The following RBFOX3 variants were observed in gnomAD, a reference collection of about 807,000 sequenced individuals.
The protein encoded by RBFOX3 is RNA binding protein fox-1 homolog 3.
Under a neutral mutation model 48.7 loss-of-function variants are expected in RBFOX3, and 17 were observed. The ratio of observed to expected loss-of-function variants is 0.35; its 90% CI spans 0.24 to 0.52. RBFOX3 has a LOEUF of 0.52. Ranked by LOEUF, RBFOX3 falls within the 20% of genes least tolerant of loss-of-function variation. The pLI, the probability that RBFOX3 is intolerant of heterozygous loss-of-function variation, is 0.94. For synonymous variants in RBFOX3, 212 were observed against 209.5 expected (o/e 1.01, Z -0.10); for missense variants, 382 against 497.5 (o/e 0.77, Z 2.21).
At chr17:79,494,719 C>T (rs2081187272) in intron 1 of RBFOX3, among the ~76,000 whole-genome samples, 3 of 152,176 alleles carry the variant, frequency 2.0e-5, no homozygotes, top group African/African-American at 7.2e-5. Context: ...GCCTGAACAG[C>T]TGAGGGCTTC....
intron 2 of RBFOX3, among the ~76,000 whole-genome samples, chr17:79,402,231 C>T (rs1206585329): frequency 5.3e-5 from 8 of 152,228 alleles, no homozygotes; most frequent in Admixed American, 5.2e-4. Flanking sequence ...TTAGTTTGCA[C>T]CTCCTTTGCC....
At chr17:79,445,904 G>A (rs982445486) in intron 2 of RBFOX3, among the ~76,000 whole-genome samples, 36 of 152,336 alleles carry the variant, frequency 2.4e-4, no homozygotes, top group South Asian at 6.2e-4. Flanking sequence ...CCAACCAGGG[G>A]TGGGTTTGCC....
the RBFOX3 span, among the ~76,000 whole-genome samples, chr17:79,621,699 A>C: frequency 1.3e-5 from 2 of 152,304 alleles, no homozygotes; most frequent in Admixed American, 1.3e-4. Context: ...CTAAATGTTC[A>C]TGCGTGCCTG....
chr17:79,462,872 T>C (rs1234358007), intron 2 of RBFOX3, among the ~76,000 whole-genome samples: 4 of 152,156 alleles, frequency 2.6e-5, no homozygotes, highest in African/African-American at 9.7e-5. Flanking sequence ...GACATTTACT[T>C]CTTCTGGGAC....
intron 2 of RBFOX3, among the ~76,000 whole-genome samples, chr17:79,466,015 C>T (rs1358828076): frequency 6.6e-6 from 1 of 152,224 alleles, no homozygotes; most frequent in Non-Finnish European, 1.5e-5. Context: ...GCCCAGAGGT[C>T]GTCTCCATAT....
chr17:79,650,990 G>A, the RBFOX3 span, among the ~76,000 whole-genome samples: 9 of 152,312 alleles, frequency 5.9e-5, no homozygotes, highest in South Asian at 1.9e-3. Flanking sequence ...CTGAGGTGGG[G>A]CATAAACACC....
At chr17:79,569,095 A>C (rs1338615525) in intron 1 of RBFOX3, among the ~76,000 whole-genome samples, 3 of 152,040 alleles carry the variant, frequency 2.0e-5, no homozygotes, top group East Asian at 3.9e-4. Context: ...AAAAAAAAAA[A>C]AACCTTGCCA....
At chr17:79,464,916 G>A (rs1385628545) in intron 2 of RBFOX3, among the ~76,000 whole-genome samples, 40 of 152,240 alleles carry the variant, frequency 2.6e-4, no homozygotes, top group African/African-American at 8.2e-4. Flanking sequence ...TCACTAACCC[G>A]ATTTGACAGG....
rs112829623 is a variant in RBFOX3 at position 79,444,486 on chromosome 17, C to T, written c.-175+37968G>A. 3.0e-3 allele frequency among the ~76,000 whole-genome samples: 454 copies of T among 152,186 alleles called. 3 individuals carry two copies. The highest frequency in any genetic ancestry group is 0.01 in the African/African-American group (434 of 41,546). Reference sequence around the variant, plus strand: ...GAGCCAGCCCAAAGCCCACATAGGCCGGTGCCTCTGAGCCACAGCTCCAAA... The same window carrying T: ...GAGCCAGCCCAAAGCCCACATAGGCTGGTGCCTCTGAGCCACAGCTCCAAA... On this transcript the variant is annotated intron_variant, in intron 2 of 14. Transcript: ENST00000693108.
chr17:79,395,599 C>T (rs555280807), intron 2 of RBFOX3, among the ~76,000 whole-genome samples: 5 of 152,322 alleles, frequency 3.3e-5, no homozygotes, highest in Admixed American at 1.3e-4. Flanking sequence ...AGCTGGCGCC[C>T]GCCTGGCAGT....
intron 4 of RBFOX3, among the ~76,000 whole-genome samples, chr17:79,184,353 T>C (rs1479043654): frequency 6.6e-6 from 1 of 152,160 alleles, no homozygotes; most frequent in East Asian, 1.9e-4. Context: ...CCAGACACAC[T>C]GGACTTGACG....
chr17:79,105,342 G>A (rs1218070280), intron 6 of RBFOX3, among the ~76,000 whole-genome samples: 1 of 152,174 alleles, frequency 6.6e-6, no homozygotes, highest in Non-Finnish European at 1.5e-5. Context: ...AGGGACCCAG[G>A]GAGCTGACAG....
At chr17:79,593,214 C>T (rs1304773076) in intron 1 of RBFOX3, among the ~76,000 whole-genome samples, 1 of 152,194 alleles carries the variant, frequency 6.6e-6, no homozygotes, top group Non-Finnish European at 1.5e-5. Flanking sequence ...AGGACGGACA[C>T]CACCTGCCCT....
Position 79,361,589 on chromosome 17 carries a change from TC to T in RBFOX3, c.-174-53766del, listed in dbSNP as rs1490359272. 6.6e-6 allele frequency among the ~76,000 whole-genome samples: 1 copy of T among 152,140 alleles called. No homozygotes were observed. The highest frequency in any genetic ancestry group is 2.4e-5 in the African/African-American group (1 of 41,436). ...GCTCTGCCAGGCACTGTCCAGGGCTTCCCTAAGGGACATGCCAGCCCACGTC... is the reference window on the plus strand; with the variant it reads ...GCTCTGCCAGGCACTGTCCAGGGCTTCCTAAGGGACATGCCAGCCCACGTC... On this transcript the variant is annotated intron_variant, in intron 2 of 14. Coordinates refer to ENST00000693108, the MANE Select transcript of RBFOX3 (RefSeq NM_001350451.2). The surrounding 1 kb of genome is among the most constrained non-coding windows in gnomAD (Gnocchi z 4.5).
intron 4 of RBFOX3, among the ~76,000 whole-genome samples, chr17:79,217,821 C>T (rs999345358): frequency 6.6e-6 from 1 of 152,208 alleles, no homozygotes; most frequent in East Asian, 1.9e-4. Flanking sequence ...AAGGAGAACA[C>T]GGCAGATGTT....
Position 79,480,428 on chromosome 17 carries a change from G to C in RBFOX3, c.-175+2026C>G, listed in dbSNP as rs1287415020. On this transcript the variant is annotated intron_variant, in intron 2 of 14. Transcript: ENST00000693108. The surrounding 1 kb of genome is among the most constrained non-coding windows in gnomAD (Gnocchi z 4.8). ...CACTCTGTCCCCCTCACAGAAGGCA[G>C]AGACACCTTTGTATGTCTCAGGCCA... Among the ~76,000 whole-genome samples, 1 of 152,128 alleles carries C rather than the reference G, an allele frequency of 6.6e-6. No homozygotes were observed. Among genetic ancestry groups the C allele is most frequent in the African/African-American group, 2.4e-5 (1 of 41,414 alleles).
At chr17:79,478,675 G>T (rs745477352) in intron 2 of RBFOX3, among the ~76,000 whole-genome samples, 8 of 152,174 alleles carry the variant, frequency 5.3e-5, no homozygotes, top group Non-Finnish European at 1.0e-4. Context: ...GGAAGGGAAG[G>T]GTCAGGGTTG....
Position 79,305,676 on chromosome 17 carries a change from G to T in RBFOX3, c.-74+2048C>A, listed in dbSNP as rs550355419. Among the ~76,000 whole-genome samples the T allele has an allele frequency of 3.7e-4, 56 of 152,320 alleles. No homozygotes were observed. In the South Asian group the frequency reaches 0.012, roughly 32 times the overall value. On this transcript the variant is annotated intron_variant, in intron 3 of 14. Transcript: ENST00000693108. Reference sequence around the variant, plus strand: ...ACACAGCCTGTGTGGGCTGGGGTGGGGGCTGTACCAGCTACACAGCTCTGA... The same window carrying T: ...ACACAGCCTGTGTGGGCTGGGGTGGTGGCTGTACCAGCTACACAGCTCTGA...
At chr17:79,598,182 G>A (rs1238895593) in intron 1 of RBFOX3, 2 of 152,302 alleles carry the variant, frequency 1.3e-5, no homozygotes, top group Non-Finnish European at 2.9e-5. Flanking sequence ...CTGCCTGCTG[G>A]AGGGTGACCA....
Sources: gnomAD v4.1 joint callset for allele counts (sites outside exome capture counted in the v4.1 genomes callset) on GRCh38, gnomAD v4.1.1 for gene constraint, Gnocchi (gnomAD v3.1) non-coding constraint, MANE v1.5 for transcripts, NCBI Gene and HGNC (gene_info 2026-07-23, HGNC 2026-07-21) for gene names.